Variants in PALM2AKAP2 observed in about 807,000 individuals in gnomAD.
PALM2AKAP2 encodes the protein PALM2 and AKAP2 fusion.
A neutral mutation model predicts 71.5 loss-of-function variants in PALM2AKAP2; 37 were observed. The observed-to-expected ratio is 0.52, with a 90% CI of 0.40 to 0.68. The LOEUF is 0.68. PALM2AKAP2 is among the 30% of genes least tolerant of loss of function. The pLI, the probability that PALM2AKAP2 is intolerant of heterozygous loss-of-function variation, is 0.00. For missense variants in PALM2AKAP2, 1,224 were observed against 1,191.8 expected, an observed-to-expected ratio of 1.03 and a Z score of -0.40; for synonymous variants, 468 against 478.8, an observed-to-expected ratio of 0.98 and a Z score of 0.29.
In PALM2AKAP2 at chr9:110,038,329, A is replaced by AAAAC. The variant is rs72079683; in HGVS notation, c.582+22318_582+22321dup. 7.5e-3 allele frequency among the ~76,000 whole-genome samples: 1,130 copies of AAAAC among 151,444 alleles called. 10 individuals carry two copies. Among genetic ancestry groups the AAAAC allele is most frequent in the African/African-American group, 0.023 (946 of 41,290 alleles). On this transcript the variant is annotated intron_variant, in intron 7 of 9. Coordinates refer to the PALM2AKAP2 transcript ENST00000302798. ...TGGGTGACAGAGTGACCCTGTCTCA[A>AAAAC]AAACAAACAAACAAACAAACAAACA...
At chr9:110,000,753 C>G (rs950234608) in intron 6 of PALM2AKAP2, among the ~76,000 whole-genome samples, 11 of 152,216 alleles carry the variant, frequency 7.2e-5, no homozygotes, top group African/African-American at 2.4e-4. Flanking sequence ...TTGCATTTCT[C>G]TGATAACCAG....
At chr9:109,774,740 G>A (rs1286901371) in intron 1 of PALM2AKAP2, among the ~76,000 whole-genome samples, 6 of 151,770 alleles carry the variant, frequency 4.0e-5, no homozygotes, top group Non-Finnish European at 2.9e-5. Flanking sequence ...CATTTTTCAT[G>A]AAGCAATGAT....
chr9:110,024,031 G>A (rs575047829), intron 7 of PALM2AKAP2, among the ~76,000 whole-genome samples: 4 of 152,148 alleles, frequency 2.6e-5, no homozygotes, highest in East Asian at 1.9e-4. Context: ...TATCATTTCC[G>A]TAAGGGTCAT....
intron 1 of PALM2AKAP2, among the ~76,000 whole-genome samples, chr9:109,680,031 C>T (rs187675736): frequency 6.6e-6 from 1 of 152,292 alleles, no homozygotes; most frequent in Admixed American, 6.5e-5. Context: ...TTTTTCAACT[C>T]ATATGTGCTA....
exon 4 of PALM2AKAP2, chr9:110,169,560 GA>G (rs1836810318): frequency 6.6e-6 from 1 of 152,062 alleles, no homozygotes; most frequent in Admixed American, 6.6e-5. Context: ...AAGGAAACAC[GA>G]AAGAAAAGTC....
At chr9:109,891,707 C>T (rs1830093807) in intron 3 of PALM2AKAP2, among the ~76,000 whole-genome samples, 1 of 152,128 alleles carries the variant, frequency 6.6e-6, no homozygotes, top group Admixed American at 6.5e-5. Flanking sequence ...GCCAGGCTGG[C>T]TTTGAACTCC....
chr9:109,891,160 C>T (rs1020174689), intron 3 of PALM2AKAP2, among the ~76,000 whole-genome samples: 6 of 152,242 alleles, frequency 3.9e-5, no homozygotes, highest in South Asian at 2.1e-4. Flanking sequence ...CTTTAAAGAC[C>T]GGTAGCATTC....
chr9:110,076,496 T>TATATATATATATATATATATATATTCTAC (rs1834326518), intron 1 of PALM2AKAP2, among the ~76,000 whole-genome samples: 1 of 141,224 alleles, frequency 7.1e-6, no homozygotes, highest in African/African-American at 2.8e-5. Flanking sequence ...ATTCTACATA[T>TATATATATATATATATATATATATTCTAC]ATATATATAT....
chr9:110,011,010 A>ATATATATATAT (rs1417017283), intron 6 of PALM2AKAP2, among the ~76,000 whole-genome samples: 21 of 88,956 alleles, frequency 2.4e-4, no homozygotes, highest in African/African-American at 1.0e-3. Context: ...AAAAAAAAAA[A>ATATATATATAT]AAAAATATAT....
intron 1 of PALM2AKAP2, among the ~76,000 whole-genome samples, chr9:109,643,660 T>G (rs1165436186): frequency 6.6e-6 from 1 of 152,206 alleles, no homozygotes; most frequent in African/African-American, 2.4e-5. Context: ...TCCTTCTCCC[T>G]AATCAACTTG....
chr9:110,002,944 A>T (rs1832707353), intron 6 of PALM2AKAP2, among the ~76,000 whole-genome samples: 4 of 152,124 alleles, frequency 2.6e-5, no homozygotes, highest in Admixed American at 2.0e-4. Flanking sequence ...TAGTCTTGCT[A>T]GCGGTCTATC....
intron 1 of PALM2AKAP2, among the ~76,000 whole-genome samples, chr9:109,789,472 G>A (rs1827053046): frequency 1.3e-5 from 2 of 152,194 alleles, no homozygotes; most frequent in African/African-American, 4.8e-5. Flanking sequence ...GGCATATCAA[G>A]GACAAGTTTA....
At chr9:110,021,752 A>C (rs1049021781) in intron 7 of PALM2AKAP2, among the ~76,000 whole-genome samples, 6 of 152,056 alleles carry the variant, frequency 3.9e-5, no homozygotes, top group African/African-American at 7.2e-5. Context: ...AAAAAAAAAA[A>C]AAAACAGGTA....
At chr9:110,120,405 CTTCTCAG>C (rs2119001626) in intron 1 of PALM2AKAP2, among the ~76,000 whole-genome samples, 1 of 152,320 alleles carries the variant, frequency 6.6e-6, no homozygotes, top group South Asian at 2.1e-4. Context: ...GCCTGCTAGA[CTTCTCAG>C]TGCCTTTCCC....
intron 1 of PALM2AKAP2, among the ~76,000 whole-genome samples, chr9:109,719,965 A>G (rs764142856): frequency 6.6e-5 from 10 of 152,096 alleles, no homozygotes; most frequent in Non-Finnish European, 1.2e-4. Context: ...GATAGCTACT[A>G]AAGATAACAT....
intron 1 of PALM2AKAP2, among the ~76,000 whole-genome samples, chr9:109,667,418 A>G (rs1201637155): frequency 1.3e-5 from 2 of 152,188 alleles, no homozygotes; most frequent in Non-Finnish European, 2.9e-5. Context: ...AGGCCCGAAG[A>G]TCTACACCAG....
chr9:109,793,600 G>A (rs12380770), intron 1 of PALM2AKAP2, among the ~76,000 whole-genome samples: 26,276 of 152,194 alleles, frequency 0.17, 2,768 homozygotes, highest in East Asian at 0.34. Context: ...AGGAGGCAAG[G>A]AGGAAAATTG....
intron 2 of PALM2AKAP2, among the ~76,000 whole-genome samples, chr9:109,878,938 T>C (rs1829779065): frequency 6.6e-6 from 1 of 152,200 alleles, no homozygotes; most frequent in South Asian, 2.1e-4. Flanking sequence ...GGTTTCTCTA[T>C]GTTGGTCAGG....
At chr9:110,067,369 T>G (rs1159863119) in intron 1 of PALM2AKAP2, among the ~76,000 whole-genome samples, 2 of 152,204 alleles carry the variant, frequency 1.3e-5, no homozygotes, top group Non-Finnish European at 2.9e-5. Flanking sequence ...TATTGAAAGG[T>G]CTTCTAGAAT....
Sources: allele counts gnomAD v4.1 joint callset (sites outside exome capture counted in the v4.1 genomes callset), GRCh38; gene constraint gnomAD v4.1.1; transcripts MANE v1.5; gene names NCBI Gene and HGNC (gene_info 2026-07-23, HGNC 2026-07-21).